The following SLC10A7 variants were observed in gnomAD, a reference collection of about 807,000 sequenced individuals.
The protein encoded by SLC10A7 is solute carrier family 10 member 7, also known as sodium/bile acid cotransporter 7.
SLC10A7 carries 29 observed loss-of-function variants against 43.2 expected under a neutral mutation model. The observed-to-expected ratio is 0.67, with a 90% CI of 0.50 to 0.92. The LOEUF is 0.92. Ranked by LOEUF, SLC10A7 falls within the 40% of genes least tolerant of loss-of-function variation. The pLI is 0.00. For missense variants in SLC10A7, 295 were observed against 403.2 expected (o/e 0.73, Z 2.30); for synonymous variants, 152 against 144.8 (o/e 1.05, Z -0.35).
At chr4:146,436,063 T>C (rs1374166585) in intron 5 of SLC10A7, among the ~76,000 whole-genome samples, 1 of 152,024 alleles carries the variant, frequency 6.6e-6, no homozygotes, top group African/African-American at 2.4e-5. Context: ...AATCCATCAT[T>C]ATTAAAATAA....
At chr4:146,443,655 T>G (rs1730787294) in intron 4 of SLC10A7, among the ~76,000 whole-genome samples, 2 of 152,194 alleles carry the variant, frequency 1.3e-5, no homozygotes, top group African/African-American at 2.4e-5. Context: ...CAGAATTAAA[T>G]TAATCATTGT....
chr4:146,451,231 C>CAAAAAAAAAAA (rs572993886), intron 4 of SLC10A7, among the ~76,000 whole-genome samples: 69 of 71,666 alleles, frequency 9.6e-4, no homozygotes, highest in East Asian at 1.8e-3. Context: ...AGTCTCCCAC[C>CAAAAAAAAAAA]AAAAAAAAAA....
chr4:146,302,045 C>T (rs1731196561), intron 7 of SLC10A7, among the ~76,000 whole-genome samples: 3 of 152,168 alleles, frequency 2.0e-5, no homozygotes, highest in East Asian at 1.9e-4. Context: ...AAATTACATA[C>T]ATTATATAAC....
At chr4:146,350,422 G>A (rs1418424795) in intron 5 of SLC10A7, among the ~76,000 whole-genome samples, 1 of 123,524 alleles carries the variant, frequency 8.1e-6, no homozygotes, top group Admixed American at 8.4e-5. Flanking sequence ...AGCAGTCTGA[G>A]ATCAAACTGT....
chr4:146,299,664 T>C (rs1731024824), intron 7 of SLC10A7, among the ~76,000 whole-genome samples: 1 of 149,932 alleles, frequency 6.7e-6, no homozygotes, highest in Admixed American at 6.6e-5. Context: ...AGTGGGAGAG[T>C]GTTGGGGAGG....
intron 5 of SLC10A7, among the ~76,000 whole-genome samples, chr4:146,440,673 AG>A: frequency 6.6e-6 from 1 of 152,326 alleles, no homozygotes; most frequent in East Asian, 1.9e-4. Context: ...TGGTGAAGAG[AG>A]GAAAAAAAGA....
intron 4 of SLC10A7, among the ~76,000 whole-genome samples, chr4:146,503,141 C>T (rs1384251404): frequency 6.6e-6 from 1 of 152,122 alleles, no homozygotes; most frequent in African/African-American, 2.4e-5. Context: ...AAGCAGAATC[C>T]TAAGAATGAA....
intron 3 of SLC10A7, among the ~76,000 whole-genome samples, chr4:146,504,285 C>G (rs1052199420): frequency 1.3e-5 from 2 of 151,890 alleles, no homozygotes; most frequent in Admixed American, 1.3e-4. Context: ...TTTGGGAGGC[C>G]GAGATGGGCA....
chr4:146,301,799 C>T (rs1380302162), intron 7 of SLC10A7, among the ~76,000 whole-genome samples: 1 of 151,942 alleles, frequency 6.6e-6, no homozygotes, highest in Non-Finnish European at 1.5e-5. Flanking sequence ...GCTGTTAATT[C>T]CTAAGACCAG....
intron 5 of SLC10A7, among the ~76,000 whole-genome samples, chr4:146,326,468 A>G (rs1367066637): frequency 6.6e-6 from 1 of 152,220 alleles, no homozygotes; most frequent in African/African-American, 2.4e-5. Context: ...GGTCTCCCCT[A>G]GGAAATGAGC....
At chr4:146,290,298 T>A (rs1294997689) in intron 9 of SLC10A7, among the ~76,000 whole-genome samples, 6 of 121,656 alleles carry the variant, frequency 4.9e-5, no homozygotes, top group Admixed American at 1.1e-4. Flanking sequence ...CACTCCAGCC[T>A]GGGCGATAGA....
At chr4:146,460,081 A>G (rs562545375) in intron 4 of SLC10A7, among the ~76,000 whole-genome samples, 1 of 151,976 alleles carries the variant, frequency 6.6e-6, no homozygotes, top group African/African-American at 2.4e-5. Flanking sequence ...AACACATGAA[A>G]AGATCCTAAA....
intron 10 of SLC10A7, among the ~76,000 whole-genome samples, chr4:146,270,466 A>G (rs1199469556): frequency 6.6e-6 from 1 of 152,212 alleles, no homozygotes; most frequent in Non-Finnish European, 1.5e-5. Context: ...TACAGAGTAA[A>G]CGAGTCTAAA....
intron 10 of SLC10A7, among the ~76,000 whole-genome samples, chr4:146,266,174 T>C (rs1728538983): frequency 6.6e-6 from 1 of 152,256 alleles, no homozygotes; most frequent in Admixed American, 6.5e-5. Context: ...TAGTTTGCTC[T>C]TAGTTAGAAA....
chr4:146,504,144 A>G (rs1401228220), intron 3 of SLC10A7, among the ~76,000 whole-genome samples: 2 of 152,116 alleles, frequency 1.3e-5, no homozygotes, highest in African/African-American at 4.8e-5. Context: ...CATAGGCTTG[A>G]GTGAGTCTGT....
intron 7 of SLC10A7, among the ~76,000 whole-genome samples, chr4:146,305,001 G>A (rs923723418): frequency 2.0e-5 from 3 of 151,970 alleles, no homozygotes; most frequent in Non-Finnish European, 2.9e-5. Flanking sequence ...TTCAACCATT[G>A]TGGAAGTCAG....
At chr4:146,367,701 T>C (rs1208506097) in intron 5 of SLC10A7, among the ~76,000 whole-genome samples, 1 of 152,208 alleles carries the variant, frequency 6.6e-6, no homozygotes, top group Non-Finnish European at 1.5e-5. Flanking sequence ...CATTTTTCTA[T>C]GTGTTGGGTA....
chr4:146,353,013 A>C (rs1735253731), intron 5 of SLC10A7, among the ~76,000 whole-genome samples: 1 of 151,218 alleles, frequency 6.6e-6, no homozygotes, highest in Non-Finnish European at 1.5e-5. Flanking sequence ...AAAAGCTAGC[A>C]GAAGGCAAGA....
At chr4:146,404,760 G>A (rs62328695) in intron 5 of SLC10A7, among the ~76,000 whole-genome samples, 24,320 of 151,922 alleles carry the variant, frequency 0.16, 2,610 homozygotes, top group South Asian at 0.26. Flanking sequence ...GTGAGCCACC[G>A]CACCTGGCTT....
Sources: gnomAD v4.1 joint callset for allele counts (sites outside exome capture counted in the v4.1 genomes callset) on GRCh38, gnomAD v4.1.1 for gene constraint, MANE v1.5 for transcripts, NCBI Gene and HGNC (gene_info 2026-07-23, HGNC 2026-07-21) for gene names.